ZFAND4: variants seen among roughly 807,000 people sequenced by gnomAD.
The protein encoded by ZFAND4 is zinc finger AN1-type containing 4, also known as AN1-type zinc finger protein 4.
ZFAND4 carries 43 observed loss-of-function variants against 64.4 expected under a neutral mutation model. The observed-to-expected ratio is 0.67, with a 90% confidence interval of 0.52 to 0.86. ZFAND4 has a LOEUF of 0.86. Among genes scored for constraint, ZFAND4 ranks in the 40% least tolerant of loss-of-function variants. The pLI is 0.00. For synonymous variants in ZFAND4, 296 were observed against 305.7 expected (o/e 0.97, Z 0.33); for missense variants, 929 against 859.8 (o/e 1.08, Z -1.01).
In ZFAND4 at chr10:45,635,205, AAAAAAAAAC is replaced by A. The variant is rs1447196790; in HGVS notation, c.717+4602_717+4610del. On this transcript the variant is annotated intron_variant, in intron 6 of 9. Coordinates refer to ENST00000344646, the MANE Select transcript of ZFAND4 (RefSeq NM_174890.4). ...TCAAAGCCATCTAAGCAAAAAAAAA[AAAAAAAAAC>A]AAAAAAAAAACAAACAAAAAAAAAC... Among the ~76,000 whole-genome samples the A allele has an allele frequency of 1.4e-3, 196 of 144,298 alleles. 2 individuals are homozygous for A. The highest frequency in any genetic ancestry group is 4.8e-3 in the African/African-American group (185 of 38,670). The allele number at this position is 144,298 out of a possible 152,430, so 94.7% of individuals were successfully genotyped here.
intron 1 of ZFAND4, among the ~76,000 whole-genome samples, chr10:45,665,227 G>A (rs116149071): frequency 2.6e-4 from 39 of 152,222 alleles, no homozygotes; most frequent in Middle Eastern, 3.4e-3. Context: ...TGGTGAGGTG[G>A]TTAAACCTTT....
rs531562724 is a variant in ZFAND4, at chr10:45,667,050, T to C, written c.-117-3208A>G. 2.0e-5 allele frequency among the ~76,000 whole-genome samples: 3 copies of C among 152,324 alleles called. 1 individual carries two copies. The Middle Eastern group carries it at 0.01, about 518-fold the overall frequency. On this transcript the variant is annotated intron_variant, in intron 1 of 9. Coordinates refer to ENST00000344646, the MANE Select transcript of ZFAND4 (RefSeq NM_174890.4). Reference sequence around the variant, plus strand: ...AGCTGGGATTTTGACAGGGATTGTATTAAGTCTGTAGATTTGGAGAGTACT... The same window carrying C: ...AGCTGGGATTTTGACAGGGATTGTACTAAGTCTGTAGATTTGGAGAGTACT...
At chr10:45,653,114 A>C in intron 2 of ZFAND4, 55 bp from the exon 3 acceptor site, 1 of 1,277,286 alleles carries the variant, frequency 7.8e-7, no homozygotes, top group Non-Finnish European at 1.1e-6. Flanking sequence ...CATCTCCAAA[A>C]GAGTATGATA....
chr10:45,666,907 G>T (rs2048861998), intron 1 of ZFAND4, among the ~76,000 whole-genome samples: 1 of 152,150 alleles, frequency 6.6e-6, no homozygotes, highest in Non-Finnish European at 1.5e-5. Flanking sequence ...TAGCTTTGTA[G>T]TAAGTTCTGA....
intron 5 of ZFAND4, 28 bp from the exon 6 acceptor site, chr10:45,639,991 ATTTTT>A (rs2046875859): frequency 1.3e-6 from 2 of 1,586,646 alleles, no homozygotes; most frequent in African/African-American, 2.7e-5. Flanking sequence ...ACTACTTGAA[ATTTTT>A]CTGATACCTG....
intron 1 of ZFAND4, among the ~76,000 whole-genome samples, chr10:45,668,960 T>C (rs1004545610): frequency 6.6e-6 from 1 of 152,076 alleles, no homozygotes; most frequent in Admixed American, 6.5e-5. Context: ...AGATCTAAAA[T>C]TGACACCCTA....
intron 8 of ZFAND4, among the ~76,000 whole-genome samples, chr10:45,622,328 C>T (rs767443723): frequency 6.6e-6 from 1 of 152,140 alleles, no homozygotes; most frequent in Admixed American, 6.5e-5. Context: ...TTACTTTACA[C>T]TCTATTTTAA....
intron 6 of ZFAND4, among the ~76,000 whole-genome samples, chr10:45,636,320 T>C (rs1031703436): frequency 6.6e-6 from 1 of 152,190 alleles, no homozygotes; most frequent in African/African-American, 2.4e-5. Flanking sequence ...CATTTTTGTA[T>C]TATTTGGAAT....
In ZFAND4 at chr10:45,625,939, GA is replaced by G. The variant is rs2045784502; in HGVS notation, c.1872+11del. 2 of 1,609,790 alleles carry G rather than the reference GA, an allele frequency of 1.2e-6. No individual in the cohort carries two copies. Among genetic ancestry groups the G allele is most frequent in the Admixed American group, 3.4e-5 (2 of 59,278 alleles). On this transcript the variant is annotated intron_variant, in intron 7 of 9. Transcript: ENST00000344646. ...GATAACTACTAGAGCATGTTGAAAG[GA>G]AAATACTGACCAAAAAAACTCCTGT...
chr10:45,626,660 C>A lies in ZFAND4; in HGVS notation c.1163G>T (p.Cys388Phe). The A allele has an allele frequency of 6.2e-7, 1 of 1,614,222 alleles. No individual in the cohort carries two copies. Among genetic ancestry groups the A allele is most frequent in the Non-Finnish European group, 8.5e-7 (1 of 1,180,042 alleles). Residue 388 changes from cysteine to phenylalanine, a missense_variant, in exon 7 of 10, where the codon TGT becomes TTT. Coordinates refer to ENST00000344646, the MANE Select transcript of ZFAND4 (RefSeq NM_174890.4). ...AGGTAGAAGTGATTGTTCGGTTACA[C>A]ATTCTTCTGAAGGTAAGACAATGTT... ...NGNIVLPSEE[C>F]VTEQSLLPKV...
rs767525276 is a variant in ZFAND4, at chr10:45,626,066, C to A, written c.1757G>T (p.Arg586Leu). 1 of 1,613,998 alleles carries A rather than the reference C, an allele frequency of 6.2e-7. No homozygotes were observed. The highest frequency in any genetic ancestry group is 1.3e-5 in the African/African-American group (1 of 74,904). ...AGAGTTCTGAAGCCTGCCTGCCCCA[C>A]GTGTGCTCTGTAATCTATTTCTGCT... ...STSRNRLQST[R>L]GAGRLQNSGT... Residue 586 changes from arginine to leucine, a missense_variant, in exon 7 of 10, where the codon CGT (arginine) becomes CTT (leucine). Coordinates refer to ENST00000344646, the MANE Select transcript of ZFAND4 (RefSeq NM_174890.4).
At chr10:45,643,302 G>A (rs746139086) in intron 5 of ZFAND4, among the ~76,000 whole-genome samples, 3 of 151,742 alleles carry the variant, frequency 2.0e-5, no homozygotes, top group Non-Finnish European at 4.4e-5. Context: ...TCTGCACATC[G>A]CAAAGCCAAG....
intron 5 of ZFAND4, chr10:45,640,302 C>A: frequency 8.0e-7 from 1 of 1,245,752 alleles, no homozygotes. Flanking sequence ...ATTTTATCAG[C>A]CAAGGCTGAT....
intron 1 of ZFAND4, among the ~76,000 whole-genome samples, chr10:45,671,010 G>C (rs187641115): frequency 6.6e-6 from 1 of 152,328 alleles, no homozygotes; most frequent in African/African-American, 2.4e-5. Context: ...GCATCAAAAA[G>C]TGGGCAAAGG....
intron 4 of ZFAND4, chr10:45,648,879 A>T (rs537126829): frequency 2.2e-6 from 2 of 916,296 alleles, no homozygotes; most frequent in East Asian, 2.4e-4. Flanking sequence ...ACTATCAATA[A>T]TTTTTTTACT....
intron 6 of ZFAND4, among the ~76,000 whole-genome samples, chr10:45,631,346 C>A (rs1215872235): frequency 2.8e-5 from 4 of 143,954 alleles, no homozygotes; most frequent in African/African-American, 5.1e-5. Context: ...AAAAAGAAAA[C>A]AAACAAAAAA....
chr10:45,639,725 T>A, intron 6 of ZFAND4, 91 bp downstream of exon 6: 1 of 1,427,798 alleles, frequency 7.0e-7, no homozygotes, highest in Non-Finnish European at 9.3e-7. Context: ...TAATACTTTA[T>A]AATTTTTTCA....
At chr10:45,644,527 T>A (rs904390036) in intron 5 of ZFAND4, among the ~76,000 whole-genome samples, 2 of 152,184 alleles carry the variant, frequency 1.3e-5, no homozygotes, top group African/African-American at 4.8e-5. Context: ...AATGTTTATA[T>A]CTGCTAGCCA....
At chr10:45,652,095 C>T (rs560556760) in intron 3 of ZFAND4, 62 bp from the exon 4 acceptor site, 1 of 1,534,084 alleles carries the variant, frequency 6.5e-7, no homozygotes, top group Non-Finnish European at 9.0e-7. Context: ...TAAATGTACA[C>T]ATAATTATGT....
Sources: allele counts gnomAD v4.1 joint callset (sites outside exome capture counted in the v4.1 genomes callset), GRCh38; gene constraint gnomAD v4.1.1; transcripts MANE v1.5; gene names NCBI Gene and HGNC (gene_info 2026-07-23, HGNC 2026-07-21).